The following LRRC28 variants were observed in gnomAD, a reference collection of about 807,000 sequenced individuals.
LRRC28 encodes the protein leucine-rich repeat-containing protein 28.
Under a neutral mutation model 45.7 loss-of-function variants are expected in LRRC28, and 39 were observed. That is an observed-to-expected ratio of 0.85 (90% confidence interval 0.66 to 1.12). LRRC28 has a LOEUF of 1.12. Ranked by LOEUF, LRRC28 falls within the 50% of genes most tolerant of loss-of-function variation. The probability of loss-of-function intolerance (pLI) is 0.00; values close to 1 mark genes in which losing one functional copy is unlikely to be tolerated. For synonymous variants in LRRC28, 206 were observed against 178.8 expected, an observed-to-expected ratio of 1.15 and a Z score of -1.22; for missense variants, 435 against 438.5, an observed-to-expected ratio of 0.99 and a Z score of 0.07.
chr15:99,259,343 A>T, intron 2 of LRRC28: 1 of 1,517,828 alleles, frequency 6.6e-7, no homozygotes, highest in African/African-American at 1.4e-5. Flanking sequence ...TGAATACTGC[A>T]TTCAGGCCCT....
intron 5 of LRRC28, among the ~76,000 whole-genome samples, chr15:99,293,382 T>C (rs1015401759): frequency 6.6e-6 from 1 of 151,622 alleles, no homozygotes; most frequent in African/African-American, 2.4e-5. Context: ...TCACCTGAGG[T>C]TGGGAGTTCA....
chr15:99,348,747 G>GTT (rs34810764), intron 6 of LRRC28, among the ~76,000 whole-genome samples: 93 of 115,952 alleles, frequency 8.0e-4, no homozygotes, highest in African/African-American at 2.5e-3. Context: ...TTTTTTTGTT[G>GTT]TTTTTTTTTT....
chr15:99,253,934 C>T (rs1033736399), intron 1 of LRRC28, among the ~76,000 whole-genome samples: 3 of 152,174 alleles, frequency 2.0e-5, no homozygotes, highest in African/African-American at 7.2e-5. Context: ...CCTGCTTCTC[C>T]GGCTTGAGCC....
chr15:99,270,600 C>G (rs1009619018), intron 2 of LRRC28, among the ~76,000 whole-genome samples: 1 of 152,176 alleles, frequency 6.6e-6, no homozygotes, highest in African/African-American at 2.4e-5. Flanking sequence ...TAGCATATAT[C>G]AGTACTTCTT....
At chr15:99,322,152 G>A (rs541250661) in intron 5 of LRRC28, among the ~76,000 whole-genome samples, 148 of 152,288 alleles carry the variant, frequency 9.7e-4, no homozygotes, top group Admixed American at 1.6e-3. Flanking sequence ...TTAGATTGTA[G>A]CGAGGTGGGG....
intron 5 of LRRC28, among the ~76,000 whole-genome samples, chr15:99,329,588 T>A (rs1182588848): frequency 6.6e-6 from 1 of 152,226 alleles, no homozygotes; most frequent in Admixed American, 6.5e-5. Context: ...AATGTTAACT[T>A]TGGGTATAAG....
rs555746776 is a variant in LRRC28, at chr15:99,255,990, G to C, written c.33G>C (p.Val11=). The part of the protein sequence containing the change: MASELCKTIS[V]ARLEKHKNLF... ...CCGAACTTTGTAAGACGATCTCTGT[G>C]GCAAGGCTAGAAAAGCACAAGAATT... Residue 11 remains valine (V), a synonymous_variant, in exon 2 of 10, where the codon GTG becomes GTC. Transcript: ENST00000301981. 3.7e-6 allele frequency: 6 copies of C among 1,612,712 alleles called. No homozygotes were observed. The African/African-American group carries it at 6.7e-5, about 18-fold the overall frequency.
chr15:99,342,904 G>A (rs571443297), intron 6 of LRRC28, among the ~76,000 whole-genome samples: 2 of 152,310 alleles, frequency 1.3e-5, no homozygotes, highest in Non-Finnish European at 2.9e-5. Context: ...AGTTAATGGA[G>A]TCTGTGTGTT....
intron 5 of LRRC28, among the ~76,000 whole-genome samples, chr15:99,292,458 G>A (rs981350735): frequency 6.9e-6 from 1 of 145,130 alleles, no homozygotes; most frequent in Non-Finnish European, 1.5e-5. Context: ...TCCGCTTCCC[G>A]GGTTCATGCC....
At chr15:99,330,556 A>G (rs2152289615) in intron 5 of LRRC28, among the ~76,000 whole-genome samples, 1 of 151,838 alleles carries the variant, frequency 6.6e-6, no homozygotes, top group African/African-American at 2.4e-5. Flanking sequence ...GCTCTCTCTT[A>G]TGTTACTTTT....
At chr15:99,365,330 T>C (rs1957310954) in intron 9 of LRRC28, among the ~76,000 whole-genome samples, 2 of 152,260 alleles carry the variant, frequency 1.3e-5, no homozygotes, top group Admixed American at 6.5e-5. Flanking sequence ...AATGTCCTTT[T>C]CTTGCATAAA....
intron 2 of LRRC28, among the ~76,000 whole-genome samples, chr15:99,268,119 C>T (rs2081379420): frequency 6.6e-6 from 1 of 152,146 alleles, no homozygotes; most frequent in South Asian, 2.1e-4. Context: ...TATTGATAAC[C>T]TCTTCCTAGC....
chr15:99,302,796 A>G (rs1955031955), intron 5 of LRRC28, among the ~76,000 whole-genome samples: 1 of 152,196 alleles, frequency 6.6e-6, no homozygotes, highest in Non-Finnish European at 1.5e-5. Flanking sequence ...CAGAAATTTC[A>G]TGTAAATGTA....
At chr15:99,274,239 G>T (rs1044374362) in intron 2 of LRRC28, among the ~76,000 whole-genome samples, 1 of 152,196 alleles carries the variant, frequency 6.6e-6, no homozygotes, top group African/African-American at 2.4e-5. Context: ...TCACAAAAGG[G>T]AAGGATATGT....
intron 2 of LRRC28, among the ~76,000 whole-genome samples, chr15:99,274,395 A>G (rs560159187): frequency 6.6e-6 from 1 of 152,296 alleles, no homozygotes; most frequent in African/African-American, 2.4e-5. Context: ...TCCTTAGTAT[A>G]AAATATAAGC....
At chr15:99,304,496 T>C (rs1955107288) in intron 5 of LRRC28, among the ~76,000 whole-genome samples, 1 of 152,128 alleles carries the variant, frequency 6.6e-6, no homozygotes, top group Non-Finnish European at 1.5e-5. Flanking sequence ...AGTGATGTGA[T>C]CTCCGCTCAC....
At chr15:99,299,952 A>T (rs906997257) in intron 5 of LRRC28, among the ~76,000 whole-genome samples, 2 of 152,214 alleles carry the variant, frequency 1.3e-5, no homozygotes, top group Non-Finnish European at 2.9e-5. Flanking sequence ...AGTTGTTTAT[A>T]TGTCTGATCT....
intron 5 of LRRC28, among the ~76,000 whole-genome samples, chr15:99,312,328 G>C (rs1955443824): frequency 6.6e-6 from 1 of 152,110 alleles, no homozygotes; most frequent in Non-Finnish European, 1.5e-5. Context: ...GTTAAAAACT[G>C]AGACACTAAC....
At chr15:99,270,457 C>T (rs941696895) in intron 2 of LRRC28, among the ~76,000 whole-genome samples, 2 of 151,518 alleles carry the variant, frequency 1.3e-5, no homozygotes, top group Admixed American at 6.6e-5. Flanking sequence ...CACACCCAGC[C>T]CTGGTAACCA....
Sources: gnomAD v4.1 joint callset for allele counts (sites outside exome capture counted in the v4.1 genomes callset) on GRCh38, gnomAD v4.1.1 for gene constraint, MANE v1.5 for transcripts, NCBI Gene and HGNC (gene_info 2026-07-23, HGNC 2026-07-21) for gene names.